Variants in DDX24 observed in about 807,000 individuals in gnomAD.
DDX24 encodes DEAD-box helicase 24.
In DDX24, 24 loss-of-function variants were observed where a neutral mutation model predicts 68.9. The observed-to-expected ratio is 0.35, with a 90% confidence interval of 0.25 to 0.49. The LOEUF (loss-of-function observed/expected upper bound fraction) is 0.49, where lower values mean the gene tolerates loss of function less well. DDX24 is among the 20% of genes least tolerant of loss of function. The probability of loss-of-function intolerance (pLI) is 0.99; values close to 1 mark genes in which losing one functional copy is unlikely to be tolerated. For synonymous variants in DDX24, 395 were observed against 385.2 expected, an observed-to-expected ratio of 1.03 and a Z score of -0.30; for missense variants, 989 against 1,039.0, an observed-to-expected ratio of 0.95 and a Z score of 0.66.
chr14:94,072,221 C>T (rs939936531), intron 2 of DDX24, among the ~76,000 whole-genome samples: 5 of 152,060 alleles, frequency 3.3e-5, no homozygotes, highest in African/African-American at 4.8e-5. Flanking sequence ...CATCAATCAA[C>T]GAGTAGATAA....
chr14:94,052,496 AGGTGTAGTAGG>A (rs1885406674), intron 8 of DDX24, among the ~76,000 whole-genome samples: 1 of 152,244 alleles, frequency 6.6e-6, no homozygotes, highest in South Asian at 2.1e-4. Context: ...CTTGGAAGGC[AGGTGTAGTAGG>A]AACCATAATG....
At chr14:94,053,371 T>C (rs1040121408) in intron 7 of DDX24, 8 of 402,774 alleles carry the variant, frequency 2.0e-5, no homozygotes, top group Admixed American at 1.4e-4. Flanking sequence ...TTTTTTTTTT[T>C]TTTTTTTTTT....
At chr14:94,076,048 TTGG>T (rs1567062404) in intron 2 of DDX24, among the ~76,000 whole-genome samples, 8 of 152,304 alleles carry the variant, frequency 5.3e-5, no homozygotes, top group Non-Finnish European at 1.2e-4. Flanking sequence ...TATAATCACT[TTGG>T]AAAACTCTTT....
chr14:94,061,055 C>A lies in DDX24; in HGVS notation c.1255G>T (p.Ala419Ser). 1 of 1,614,142 alleles carries A rather than the reference C, an allele frequency of 6.2e-7. No individual in the cohort carries two copies. ...GTGGACATTCCACCAACCAAAATAG[C>A]AGTTTTAATTCCTATGGGACAGAAA... is the stretch of plus-strand genomic sequence containing the variant. ...AVARFTGIKT[A>S]ILVGGMSTQK... Residue 419 changes from alanine to serine, a missense_variant, in exon 4 of 9, where the codon GCT becomes TCT. Physicochemically the swap from Ala to Ser is moderately conservative, Grantham distance 99. Coordinates refer to ENST00000621632, the MANE Select transcript of DDX24 (RefSeq NM_020414.4).
chr14:94,052,142 C>T (rs975216899), intron 8 of DDX24, among the ~76,000 whole-genome samples: 1 of 152,378 alleles, frequency 6.6e-6, no homozygotes, highest in Middle Eastern at 3.4e-3. Flanking sequence ...GTTAAGTCTG[C>T]CTCTGAATTT....
rs1464872662 is a variant in DDX24, at chr14:94,079,585, A to C, written c.158T>G (p.Leu53Trp). Residue 53 changes from leucine to tryptophan, a missense_variant, in exon 2 of 9, where the codon TTG becomes TGG. Physicochemically the swap from Leu to Trp is moderately conservative, Grantham distance 61 (BLOSUM62 -2). Coordinates refer to ENST00000621632, the MANE Select transcript of DDX24 (RefSeq NM_020414.4). ...AGGGGAGACCAACTGGTAATCTGTCAATTCCTCAAAGCACACCAAGTCATC... is the reference window on the plus strand; with the variant it reads ...AGGGGAGACCAACTGGTAATCTGTCCATTCCTCAAAGCACACCAAGTCATC... The part of the protein sequence containing the change: ...QMDDLVCFEE[L>W]TDYQLVSPAK... 3.1e-6 allele frequency: 5 copies of C among 1,614,182 alleles called. No homozygotes were observed. Among genetic ancestry groups the C allele is most frequent in the Non-Finnish European group, 4.2e-6 (5 of 1,180,034 alleles).
chr14:94,074,100 A>C (rs1314112738), intron 2 of DDX24, among the ~76,000 whole-genome samples: 1 of 152,136 alleles, frequency 6.6e-6, no homozygotes, highest in Non-Finnish European at 1.5e-5. Context: ...TATTAAACAA[A>C]GTAAATTTGT....
intron 2 of DDX24, among the ~76,000 whole-genome samples, chr14:94,076,435 C>T (rs529647070): frequency 9.9e-5 from 15 of 152,198 alleles, no homozygotes; most frequent in African/African-American, 3.6e-4. Context: ...GTAATCCCAG[C>T]ACTTTGGGAG....
At chr14:94,070,990 T>C (rs1305467658) in intron 2 of DDX24, among the ~76,000 whole-genome samples, 2 of 152,088 alleles carry the variant, frequency 1.3e-5, no homozygotes, top group Admixed American at 1.3e-4. Context: ...GCAAATGCAA[T>C]AAAAACAAAG....
Position 94,062,344 on chromosome 14 carries a change from A to G in DDX24, c.996T>C (p.Phe332=), listed in dbSNP as rs745554031. ...GCCCTTCACCAGCATCATCGTCACC[A>G]AAGAGCAACGCCTGGTCTGAGACAG... is the stretch of plus-strand genomic sequence containing the variant. ...GGTVSDQALL[F]GDDDAGEGPS... Residue 332 remains phenylalanine, a synonymous_variant, in exon 3 of 9, where the codon TTT becomes TTC. Coordinates refer to ENST00000621632, the MANE Select transcript of DDX24 (RefSeq NM_020414.4). 1.2e-6 allele frequency: 2 copies of G among 1,614,210 alleles called. No homozygotes were observed. Among genetic ancestry groups the G allele is most frequent in the South Asian group, 2.2e-5 (2 of 91,086 alleles).
chr14:94,060,503 G>T lies in DDX24; in HGVS notation c.1508C>A (p.Thr503Lys). The T allele has an allele frequency of 1.9e-6, 3 of 1,614,114 alleles. No homozygotes were observed. The highest frequency in any genetic ancestry group is 2.2e-5 in the East Asian group (1 of 44,874). Reference protein sequence around the residue: ...NDSQYNPKRQTLVFSATLTLV... With the variant: ...NDSQYNPKRQKLVFSATLTLV... ...GGTGAGTGTGGCAGAAAAAACAAGC[G>T]TTTGTCTCTTTGGGTTGTATTGGGA... The change falls in exon 5 of 9, where the codon ACG (threonine) becomes AAG (lysine). Residue 503 changes from threonine to lysine, a missense_variant. Thr to Lys is a moderately conservative substitution (Grantham distance 78, BLOSUM62 -1). Transcript: ENST00000621632.
At position 94,079,753 on chromosome 14, in the gene DDX24, A is replaced by T. The variant is rs1886022809; in HGVS notation, c.-5-6T>A. On this transcript the variant is annotated splice_polypyrimidine_tract_variant and splice_region_variant and intron_variant, in intron 1 of 8. Coordinates refer to ENST00000621632, the MANE Select transcript of DDX24 (RefSeq NM_020414.4). ...GTCCTTCAACTTCATGGTTGCTGAA[A>T]AGGAGATACATGTTCTATTAGGTTG... The T allele has an allele frequency of 1.9e-6, 3 of 1,610,728 alleles. No individual in the cohort carries two copies. The Admixed American group carries it at 5.0e-5, about 27-fold the overall frequency.
Position 94,062,077 on chromosome 14 carries a change from T to G in DDX24, c.1243+20A>C. 1 of 1,572,120 alleles carries G rather than the reference T, an allele frequency of 6.4e-7. No individual in the cohort carries two copies. The highest frequency in any genetic ancestry group is 1.4e-5 in the African/African-American group (1 of 73,008). On this transcript the variant is annotated intron_variant, in intron 3 of 8. Transcript: ENST00000621632. ...TGGGATTTACCTAGAAAATATTTAT[T>G]AAATGGAACTAAACCTCACCTGTAA...
chr14:94,055,543 T>C (rs772161685), intron 6 of DDX24: 13 of 229,458 alleles, frequency 5.7e-5, no homozygotes, highest in Admixed American at 1.0e-4. Context: ...ATTTTATCCA[T>C]AGATAATGTG....
At chr14:94,066,685 C>G (rs1478886655) in intron 2 of DDX24, among the ~76,000 whole-genome samples, 1 of 152,192 alleles carries the variant, frequency 6.6e-6, no homozygotes, top group African/African-American at 2.4e-5. Context: ...ACTCCCAGTA[C>G]CAGCCCAGAG....
intron 3 of DDX24, among the ~76,000 whole-genome samples, chr14:94,061,725 C>CT (rs771731463): frequency 5.9e-5 from 9 of 152,154 alleles, no homozygotes; most frequent in Non-Finnish European, 1.0e-4. Flanking sequence ...CAGATGGTCT[C>CT]TGTCACAACT....
rs1885610308 is a variant in DDX24, at chr14:94,062,203, G to C, written c.1137C>G (p.Thr379=). ...GAGGACGCTTTGGATATGCCTTACA[G>C]GTGGCGCTTTTGTCATCCAACTCCT... ...LKQELDDKSA[T]CKAYPKRPLL... is the part of the protein sequence containing the mutation. Residue 379 remains threonine, a synonymous_variant, in exon 3 of 9, where the codon ACC becomes ACG. Coordinates refer to ENST00000621632, the MANE Select transcript of DDX24 (RefSeq NM_020414.4). 2 of 1,614,142 alleles carry C rather than the reference G, an allele frequency of 1.2e-6. No individual in the cohort carries two copies. Among genetic ancestry groups the C allele is most frequent in the Non-Finnish European group, 1.7e-6 (2 of 1,180,026 alleles).
intron 2 of DDX24, 195 bp downstream of exon 2, chr14:94,078,830 T>G (rs1464779245): frequency 4.9e-6 from 3 of 610,068 alleles, no homozygotes; most frequent in Admixed American, 3.1e-5. Flanking sequence ...CTGAGAGAGA[T>G]AAAAGTGATC....
chr14:94,054,869 T>C, intron 7 of DDX24, 127 bp downstream of exon 7: 1 of 1,080,816 alleles, frequency 9.3e-7, no homozygotes. Flanking sequence ...CAAGTCTCCT[T>C]GTTCAGCTGT....
Sources: gnomAD v4.1 joint callset for allele counts (sites outside exome capture counted in the v4.1 genomes callset) on GRCh38, gnomAD v4.1.1 for gene constraint, MANE v1.5 for transcripts, NCBI Gene and HGNC (gene_info 2026-07-23, HGNC 2026-07-21) for gene names.